LSAMP: variants seen among roughly 807,000 people sequenced by gnomAD.
The protein encoded by LSAMP is limbic system-associated membrane protein.
Under a neutral mutation model 38.6 loss-of-function variants are expected in LSAMP, and 7 were observed. That is an observed-to-expected ratio of 0.18 (90% CI 0.10 to 0.34). The LOEUF is 0.34. LSAMP is among the 10% of genes least tolerant of loss of function. LSAMP has a pLI of 1.00. For missense variants in LSAMP, 313 were observed against 420.0 expected (o/e 0.75, Z 2.23); for synonymous variants, 154 against 166.8 (o/e 0.92, Z 0.59).
At chr3:116,166,342 A>T (rs1229465887) in intron 1 of LSAMP, among the ~76,000 whole-genome samples, 1 of 152,154 alleles carries the variant, frequency 6.6e-6, no homozygotes, top group Non-Finnish European at 1.5e-5. Context: ...TATGATTCCT[A>T]TTTTTTAGAT....
At chr3:115,999,812 T>C (rs1303953104) in intron 3 of LSAMP, among the ~76,000 whole-genome samples, 3 of 152,146 alleles carry the variant, frequency 2.0e-5, no homozygotes, top group African/African-American at 7.2e-5. Context: ...GCTGAATGCC[T>C]TTCCTAGGAC....
At chr3:115,821,478 T>C (rs1352658159) in intron 6 of LSAMP, among the ~76,000 whole-genome samples, 1 of 152,236 alleles carries the variant, frequency 6.6e-6, no homozygotes, top group Non-Finnish European at 1.5e-5. Context: ...TGCACAGTTG[T>C]TCTAATTCTA....
In LSAMP at chr3:115,939,137, G is replaced by A. The variant is rs141824038; in HGVS notation, c.514+80378C>T. On this transcript the variant is annotated intron_variant, in intron 3 of 6. Coordinates refer to ENST00000490035, the MANE Select transcript of LSAMP (RefSeq NM_002338.5). ...GTCACAAGATTAGTTTATTGTATAT[G>A]AGTAGAAAAGTCCAACTAATAAAAA... 5.9e-3 allele frequency among the ~76,000 whole-genome samples: 898 copies of A among 152,234 alleles called. 8 individuals are homozygous for A. Among genetic ancestry groups the A allele is most frequent in the African/African-American group, 0.021 (859 of 41,544 alleles).
chr3:116,175,959 G>T (rs1710327926), intron 1 of LSAMP, among the ~76,000 whole-genome samples: 1 of 152,104 alleles, frequency 6.6e-6, no homozygotes, highest in East Asian at 1.9e-4. Flanking sequence ...GCATCCTTGT[G>T]CAATAACACA....
chr3:116,122,819 C>A (rs1708914261), intron 1 of LSAMP, among the ~76,000 whole-genome samples: 1 of 152,162 alleles, frequency 6.6e-6, no homozygotes, highest in South Asian at 2.1e-4. Flanking sequence ...CACTTTCACT[C>A]ACATTATCAC....
chr3:116,383,092 T>C (rs904598186), intron 1 of LSAMP, among the ~76,000 whole-genome samples: 1 of 152,102 alleles, frequency 6.6e-6, no homozygotes, highest in Admixed American at 6.6e-5. Flanking sequence ...GCTATATTGA[T>C]CCAAAGCATT....
At chr3:116,442,012 C>A (rs1450827353) in intron 1 of LSAMP, among the ~76,000 whole-genome samples, 1 of 152,182 alleles carries the variant, frequency 6.6e-6, no homozygotes, top group African/African-American at 2.4e-5. Context: ...ATGAAGCTAC[C>A]TCTCTTTCCC....
At chr3:116,113,201 T>G (rs543592337) in intron 1 of LSAMP, among the ~76,000 whole-genome samples, 34 of 151,610 alleles carry the variant, frequency 2.2e-4, no homozygotes, top group African/African-American at 7.7e-4. Context: ...AATTCTCTAA[T>G]AGACATTCAG....
At chr3:116,239,879 CTGAT>C (rs1482889014) in intron 1 of LSAMP, among the ~76,000 whole-genome samples, 1 of 152,136 alleles carries the variant, frequency 6.6e-6, no homozygotes, top group East Asian at 1.9e-4. Context: ...TTGGTCCTTC[CTGAT>C]TTTCTGCAAG....
At chr3:116,289,152 A>T (rs1260526232) in intron 1 of LSAMP, among the ~76,000 whole-genome samples, 1 of 152,208 alleles carries the variant, frequency 6.6e-6, no homozygotes, top group Non-Finnish European at 1.5e-5. Flanking sequence ...CTAACACAAA[A>T]GAAAACACAC....
intron 2 of LSAMP, among the ~76,000 whole-genome samples, chr3:116,021,396 T>C (rs773127446): frequency 6.6e-6 from 1 of 152,058 alleles, no homozygotes; most frequent in Non-Finnish European, 1.5e-5. Flanking sequence ...GGACTTAGAA[T>C]TCAGAGCTCC....
At chr3:116,046,348 G>A (rs1941287259) in intron 2 of LSAMP, among the ~76,000 whole-genome samples, 1 of 152,016 alleles carries the variant, frequency 6.6e-6, no homozygotes, top group Admixed American at 6.6e-5. Flanking sequence ...TGGAAAATAT[G>A]GACTAGGGAA....
intron 1 of LSAMP, among the ~76,000 whole-genome samples, chr3:116,246,741 G>A (rs2046610786): frequency 6.6e-6 from 1 of 152,190 alleles, no homozygotes; most frequent in Admixed American, 6.5e-5. Flanking sequence ...GCATATGGCA[G>A]GGTGAGGGAA....
rs76299433 is a variant in LSAMP, at chr3:116,431,666, C to T, written c.155+13211G>A. ...GAACTTGTTTATATTATTCTAATCA[C>T]GTCTTCATATGCCCTGGATTTTAAA... On this transcript the variant is annotated intron_variant, in intron 1 of 6. Coordinates refer to ENST00000490035, the MANE Select transcript of LSAMP (RefSeq NM_002338.5). Among the ~76,000 whole-genome samples the T allele has an allele frequency of 2.3e-3, 354 of 152,096 alleles. 2 individuals carry two copies. Among genetic ancestry groups the T allele is most frequent in the African/African-American group, 8.3e-3 (345 of 41,524 alleles).
intron 1 of LSAMP, among the ~76,000 whole-genome samples, chr3:116,225,255 G>T (rs184239626): frequency 1.3e-5 from 2 of 152,248 alleles, no homozygotes; most frequent in East Asian, 3.9e-4. Context: ...TTAATGACTG[G>T]TATTTTTATA....
At chr3:115,934,314 A>T (rs116128244) in intron 3 of LSAMP, among the ~76,000 whole-genome samples, 3,163 of 151,856 alleles carry the variant, frequency 0.021, 104 homozygotes, top group African/African-American at 0.07. Context: ...AATAGGTTGG[A>T]TTACAGGCGC....
chr3:116,121,835 C>T (rs1708882362), intron 1 of LSAMP, among the ~76,000 whole-genome samples: 1 of 151,868 alleles, frequency 6.6e-6, no homozygotes. Context: ...TTGAATGTGG[C>T]CCAAAACAAA....
chr3:116,151,134 A>G (rs1044270301), intron 1 of LSAMP, among the ~76,000 whole-genome samples: 6 of 152,036 alleles, frequency 3.9e-5, no homozygotes, highest in African/African-American at 1.4e-4. Flanking sequence ...TATTAAGCAA[A>G]GATAAACCCC....
At position 116,445,454 on chromosome 3, in the gene LSAMP, C is replaced by A. The variant is rs1201084112; in HGVS notation, c.-423G>T. ...GGCGGGCGAGGGAGCCGGCACCAAG[C>A]CTGCCAGTGAGTGTACAGAAACAGC... On this transcript the variant is annotated 5_prime_UTR_variant, in exon 1 of 7. Transcript: ENST00000490035. 6.6e-6 allele frequency: 3 copies of A among 451,226 alleles called. No homozygotes were observed. The highest frequency in any genetic ancestry group is 1.2e-5 in the Non-Finnish European group (3 of 258,518). The allele number at this position is 451,226 out of a possible 1,614,324, so 28.0% of individuals were successfully genotyped here.
Sources: allele counts gnomAD v4.1 joint callset (sites outside exome capture counted in the v4.1 genomes callset), GRCh38; gene constraint gnomAD v4.1.1; transcripts MANE v1.5; gene names NCBI Gene and HGNC (gene_info 2026-07-23, HGNC 2026-07-21).